The following ZFYVE16 variants were observed in gnomAD, a reference collection of about 807,000 sequenced individuals.
ZFYVE16 encodes the protein zinc finger FYVE domain-containing protein 16.
Under a neutral mutation model 138.1 loss-of-function variants are expected in ZFYVE16, and 89 were observed. The ratio of observed to expected loss-of-function variants is 0.64; its 90% confidence interval spans 0.54 to 0.77. The LOEUF is 0.77. Among genes scored for constraint, ZFYVE16 ranks in the 30% least tolerant of loss-of-function variants. The probability of loss-of-function intolerance (pLI) is 0.00; values close to 1 mark genes in which losing one functional copy is unlikely to be tolerated. For missense variants in ZFYVE16, 1,793 were observed against 1,786.7 expected, an observed-to-expected ratio of 1.00 and a Z score of -0.06; for synonymous variants, 596 against 618.3, an observed-to-expected ratio of 0.96 and a Z score of 0.53.
intron 1 of ZFYVE16, among the ~76,000 whole-genome samples, chr5:80,425,663 CTTTT>C (rs1747880197): frequency 6.6e-6 from 1 of 152,124 alleles, no homozygotes; most frequent in African/African-American, 2.4e-5. Context: ...TGATTGCTTT[CTTTT>C]TATGTTATTT....
At position 80,448,276 on chromosome 5, in the gene ZFYVE16, T is replaced by C; in HGVS notation, c.2975T>C (p.Ile992Thr). The change falls in exon 8 of 19, where the codon ATT becomes ACT. Residue 992 changes from isoleucine (I) to threonine (T), a missense_variant. Ile to Thr is a moderately conservative substitution (Grantham distance 89). Transcript: ENST00000505560. ...TGVLVNSNLP[I>T]ASISDYRLLC... ...GTCTTAGTTAACAGCAATTTACCTA[T>C]TGCTAGTATTTCAGATTATAGGTTA... 6.2e-6 allele frequency: 10 copies of C among 1,613,684 alleles called. No homozygotes were observed. Among genetic ancestry groups the C allele is most frequent in the Non-Finnish European group, 8.5e-6 (10 of 1,179,932 alleles).
rs150245769 is a variant in ZFYVE16 at position 80,437,458 on chromosome 5, C to A, written c.773C>A (p.Ala258Asp). ...LTRQSSKMFHAKDKLQHKSQP... is the reference protein window; with the variant it reads ...LTRQSSKMFHDKDKLQHKSQP... ...CGACAAAGTTCCAAAATGTTTCATG[C>A]CAAAGACAAGCTACAACACAAGAGC... Residue 258 changes from alanine (A) to aspartate (D), a missense_variant, in exon 4 of 19, where the codon GCC (alanine) becomes GAC (aspartate). Ala to Asp is a moderately radical substitution (Grantham distance 126, BLOSUM62 -2). Coordinates refer to ENST00000505560, the MANE Select transcript of ZFYVE16 (RefSeq NM_001284236.3). 7.4e-4 allele frequency: 1,189 copies of A among 1,602,436 alleles called. No individual in the cohort carries two copies. Among genetic ancestry groups the A allele is most frequent in the Non-Finnish European group, 9.0e-4 (1,054 of 1,174,992 alleles).
intron 3 of ZFYVE16, among the ~76,000 whole-genome samples, chr5:80,435,121 G>C (rs1749689821): frequency 6.6e-6 from 1 of 152,072 alleles, no homozygotes; most frequent in African/African-American, 2.4e-5. Flanking sequence ...TGCAACTTCT[G>C]CCTCCCAGGT....
At position 80,478,412 on chromosome 5, in the gene ZFYVE16, GGTA is replaced by G. The variant is rs1755099996; in HGVS notation, c.*1038_*1040del. ...TTTGCATATTTTAAATTCTTTATAT[GGTA>G]GTTATTTTTTATAACAGGATATTAA... On this transcript the variant is annotated 3_prime_UTR_variant, in exon 19 of 19. Coordinates refer to ENST00000505560, the MANE Select transcript of ZFYVE16 (RefSeq NM_001284236.3). 1 of 151,874 alleles carries G rather than the reference GGTA, an allele frequency of 6.6e-6. No homozygotes were observed. Among genetic ancestry groups the G allele is most frequent in the South Asian group, 2.1e-4 (1 of 4,828 alleles). 9.4% of individuals were successfully genotyped at this position (151,874 alleles called of 1,614,324 possible).
At chr5:80,470,353 G>A (rs886281137) in intron 15 of ZFYVE16, among the ~76,000 whole-genome samples, 4 of 151,752 alleles carry the variant, frequency 2.6e-5, no homozygotes, top group African/African-American at 9.7e-5. Flanking sequence ...CTCCCGCCTA[G>A]GCCTCCCAAA....
chr5:80,434,247 T>C (rs1479876788), intron 3 of ZFYVE16, 30 bp downstream of exon 3: 18 of 1,609,056 alleles, frequency 1.1e-5, no homozygotes, highest in African/African-American at 5.3e-5. Context: ...TTGCCGCTAA[T>C]GGGATTTAAA....
At chr5:80,448,998 A>C (rs1751694574) in intron 8 of ZFYVE16, among the ~76,000 whole-genome samples, 2 of 152,150 alleles carry the variant, frequency 1.3e-5, no homozygotes, top group South Asian at 4.1e-4. Context: ...CTGCGTGATA[A>C]TGTAGAGGAA....
chr5:80,451,767 C>A (rs766157983), intron 11 of ZFYVE16, 58 bp downstream of exon 11: 3 of 1,447,266 alleles, frequency 2.1e-6, no homozygotes, highest in Non-Finnish European at 2.8e-6. Flanking sequence ...AATGTAAAGA[C>A]TTTCAGGGAA....
At chr5:80,453,892 A>G (rs144953733) in intron 11 of ZFYVE16, 15 of 152,346 alleles carry the variant, frequency 9.8e-5, no homozygotes, top group African/African-American at 3.6e-4. Context: ...AAATGTTCAA[A>G]TAGATGATTT....
intron 5 of ZFYVE16, chr5:80,440,910 T>C (rs908625561): frequency 3.0e-6 from 3 of 985,308 alleles, no homozygotes; most frequent in Admixed American, 1.2e-4. Flanking sequence ...GATAACTTTT[T>C]TCAGCAATTC....
At position 80,445,211 on chromosome 5, in the gene ZFYVE16, A is replaced by G. The variant is rs924257870; in HGVS notation, c.2582-52A>G. On this transcript the variant is annotated intron_variant, in intron 6 of 18. Coordinates refer to ENST00000505560, the MANE Select transcript of ZFYVE16 (RefSeq NM_001284236.3). The stretch of plus-strand genomic sequence containing the variant: ...CATTTCACAATCTTTTTGGCATTAA[A>G]TCATTGCCATATTACCAGATTCAAA... 5 of 1,580,602 alleles carry G rather than the reference A, an allele frequency of 3.2e-6. No individual in the cohort carries two copies. In the Admixed American group the frequency reaches 5.4e-5, roughly 17 times the overall value.
chr5:80,481,788 C>T lies in ZFYVE16; in HGVS notation c.*4411C>T, dbSNP rs768410869. 5.9e-5 allele frequency among the ~76,000 whole-genome samples: 9 copies of T among 152,072 alleles called. No homozygotes were observed. The highest frequency in any genetic ancestry group is 1.3e-4 in the Non-Finnish European group (9 of 67,996). On this transcript the variant is annotated 3_prime_UTR_variant, in exon 19 of 19. Transcript: ENST00000505560. The stretch of plus-strand genomic sequence containing the variant: ...GCCAACTCTAAGGTTACCCAAATGT[C>T]AGAATTATCAGAAAAAGACTTAAAA...
intron 8 of ZFYVE16, 114 bp from the exon 9 acceptor site, chr5:80,449,477 T>C (rs1272674578): frequency 1.8e-6 from 2 of 1,089,518 alleles, no homozygotes; most frequent in Non-Finnish European, 2.6e-6. Context: ...ACATGTTTGC[T>C]TCTGTTTTTA....
intron 5 of ZFYVE16, among the ~76,000 whole-genome samples, chr5:80,442,670 G>A (rs1750844027): frequency 6.6e-6 from 1 of 152,300 alleles, no homozygotes; most frequent in East Asian, 1.9e-4. Context: ...AGTGGAGGAG[G>A]TAAGGATGAA....
chr5:80,456,295 A>G, intron 12 of ZFYVE16, 166 bp from the exon 13 acceptor site: 2 of 520,270 alleles, frequency 3.8e-6, no homozygotes, highest in East Asian at 3.7e-5. Flanking sequence ...GACCTTTTCT[A>G]TTTTGGAAGT....
chr5:80,449,040 A>G (rs1215944367), intron 8 of ZFYVE16, among the ~76,000 whole-genome samples: 2 of 151,940 alleles, frequency 1.3e-5, no homozygotes, highest in African/African-American at 4.8e-5. Flanking sequence ...TGTCAGTGGG[A>G]GCCATTACAT....
chr5:80,439,916 T>C lies in ZFYVE16; in HGVS notation c.2323-20T>C. The C allele has an allele frequency of 1.9e-6, 3 of 1,589,810 alleles. No homozygotes were observed. The highest frequency in any genetic ancestry group is 2.6e-6 in the Non-Finnish European group (3 of 1,166,248). ...AGTATTCTTGAAACAAAGACAAATTTGATATTTTATTCTTTATAGGTATTT... is the reference window on the plus strand; with the variant it reads ...AGTATTCTTGAAACAAAGACAAATTCGATATTTTATTCTTTATAGGTATTT... On this transcript the variant is annotated intron_variant, in intron 4 of 18. Transcript: ENST00000505560.
intron 6 of ZFYVE16, among the ~76,000 whole-genome samples, chr5:80,445,057 T>C (rs564195000): frequency 6.6e-6 from 1 of 152,236 alleles, no homozygotes; most frequent in East Asian, 1.9e-4. Flanking sequence ...CCACTCCTGC[T>C]CCCTTTGTAC....
chr5:80,442,483 A>G (rs1448058812), intron 5 of ZFYVE16, among the ~76,000 whole-genome samples: 1 of 152,180 alleles, frequency 6.6e-6, no homozygotes, highest in Non-Finnish European at 1.5e-5. Flanking sequence ...TCTTGAAGGA[A>G]GTGAGATAAT....
Sources: gnomAD v4.1 joint callset for allele counts (sites outside exome capture counted in the v4.1 genomes callset) on GRCh38, gnomAD v4.1.1 for gene constraint, MANE v1.5 for transcripts, NCBI Gene and HGNC (gene_info 2026-07-23, HGNC 2026-07-21) for gene names.